LRRC4C: variants seen among roughly 807,000 people sequenced by gnomAD.
LRRC4C encodes leucine rich repeat containing 4C.
LRRC4C carries 5 observed loss-of-function variants against 33.6 expected under a neutral mutation model. The observed-to-expected ratio is 0.15, with a 90% CI of 0.08 to 0.31. The LOEUF (loss-of-function observed/expected upper bound fraction) is 0.31, where lower values mean the gene tolerates loss of function less well. Ranked by LOEUF, LRRC4C falls within the 10% of genes least tolerant of loss-of-function variation. The pLI, the probability that LRRC4C is intolerant of heterozygous loss-of-function variation, is 1.00. For missense variants in LRRC4C, 560 were observed against 796.7 expected (o/e 0.70, Z 3.58); for synonymous variants, 329 against 302.0 (o/e 1.09, Z -0.93).
intron 2 of LRRC4C, among the ~76,000 whole-genome samples, chr11:40,776,274 CT>C (rs35762891): frequency 0.53 from 79,200 of 148,610 alleles, 21,145 homozygotes; most frequent in Non-Finnish European, 0.57. Context: ...GGATTTTTCT[CT>C]TTTTTTTTTT....
In LRRC4C at chr11:41,027,981, C is replaced by T. The variant is rs1050591610; in HGVS notation, c.-495-94258G>A. Among the ~76,000 whole-genome samples the T allele has an allele frequency of 3.3e-5, 5 of 151,452 alleles. No individual in the cohort carries two copies. In the East Asian group the frequency reaches 9.7e-4, roughly 29 times the overall value. ...TAATTTAGAAGTTAATGATGAGAAT[C>T]CTCATCTATAAGGAAGGTAGGCTGC... On this transcript the variant is annotated intron_variant, in intron 1 of 6. Coordinates refer to ENST00000528697, the MANE Select transcript of LRRC4C (RefSeq NM_001258419.2).
chr11:40,914,449 C>T (rs1044011900), intron 2 of LRRC4C, among the ~76,000 whole-genome samples: 2 of 151,854 alleles, frequency 1.3e-5, no homozygotes, highest in Admixed American at 6.5e-5. Context: ...ACAAAAACCA[C>T]ATGATTATCT....
chr11:40,895,336 TC>T (rs1473249764), intron 2 of LRRC4C, among the ~76,000 whole-genome samples: 1 of 51,118 alleles, frequency 2.0e-5, no homozygotes, highest in Non-Finnish European at 5.6e-5. Context: ...TGTTAAAAAA[TC>T]CCCCTCACTA....
Position 40,238,878 on chromosome 11 carries a change from C to T in LRRC4C, c.-96+2641G>A, listed in dbSNP as rs561343428. On this transcript the variant is annotated intron_variant, in intron 5 of 6. Transcript: ENST00000528697. ...CCTGCACAGTCCAGAGAACTAGGCC[C>T]AGTAGAAAAATAAATCAACAGTTGA... Among the ~76,000 whole-genome samples, 62 of 152,156 alleles carry T rather than the reference C, an allele frequency of 4.1e-4. No individual in the cohort carries two copies. The South Asian group carries it at 5.6e-3, about 14-fold the overall frequency.
intron 2 of LRRC4C, among the ~76,000 whole-genome samples, chr11:40,809,601 A>C (rs1046998516): frequency 6.6e-6 from 1 of 152,144 alleles, no homozygotes; most frequent in African/African-American, 2.4e-5. Flanking sequence ...TCCTCCACAC[A>C]GAAAAAAAAT....
At chr11:40,853,686 A>G (rs533719379) in intron 2 of LRRC4C, among the ~76,000 whole-genome samples, 2 of 152,310 alleles carry the variant, frequency 1.3e-5, no homozygotes, top group South Asian at 4.1e-4. Context: ...AAACTAATGT[A>G]CACCTCATTT....
intron 1 of LRRC4C, among the ~76,000 whole-genome samples, chr11:40,943,949 T>C (rs1244306550): frequency 6.6e-6 from 1 of 152,150 alleles, no homozygotes; most frequent in Non-Finnish European, 1.5e-5. Context: ...TTCTGGCCCA[T>C]TTCTCGTTAG....
intron 4 of LRRC4C, among the ~76,000 whole-genome samples, chr11:40,289,783 T>C (rs1320810421): frequency 6.6e-6 from 1 of 152,202 alleles, no homozygotes. Flanking sequence ...TTTGCCAGTA[T>C]GAAAGATGAT....
At chr11:40,944,790 A>G (rs952047869) in intron 1 of LRRC4C, among the ~76,000 whole-genome samples, 4 of 152,168 alleles carry the variant, frequency 2.6e-5, no homozygotes, top group African/African-American at 9.7e-5. Flanking sequence ...CAGTTTTCCA[A>G]TTTCTGGCCA....
intron 3 of LRRC4C, among the ~76,000 whole-genome samples, chr11:40,473,034 G>C (rs370521157): frequency 6.6e-6 from 1 of 152,128 alleles, no homozygotes; most frequent in African/African-American, 2.4e-5. Flanking sequence ...ATACAAAGAG[G>C]AGCTGGTACC....
chr11:41,279,428 A>ACACACACACACCCC (rs58139193), intron 1 of LRRC4C, among the ~76,000 whole-genome samples: 26 of 140,888 alleles, frequency 1.8e-4, no homozygotes, highest in Middle Eastern at 3.6e-3. Flanking sequence ...ACACACACAC[A>ACACACACACACCCC]CCGTGGCAAT....
chr11:40,768,531 G>T (rs1468282016), intron 2 of LRRC4C, among the ~76,000 whole-genome samples: 1 of 151,906 alleles, frequency 6.6e-6, no homozygotes, highest in Non-Finnish European at 1.5e-5. Flanking sequence ...CAGAAAAGGA[G>T]ACACCACAAA....
At chr11:41,223,596 A>G (rs2136403092) in intron 1 of LRRC4C, among the ~76,000 whole-genome samples, 1 of 152,312 alleles carries the variant, frequency 6.6e-6, no homozygotes. Flanking sequence ...CTTACTCCCT[A>G]CATGCTCACA....
chr11:41,119,697 G>A (rs1942325414), intron 1 of LRRC4C, among the ~76,000 whole-genome samples: 1 of 152,166 alleles, frequency 6.6e-6, no homozygotes, highest in Non-Finnish European at 1.5e-5. Context: ...GCAGTCTCAT[G>A]ACTTTCAGGA....
chr11:41,028,570 GAC>G (rs57827895), intron 1 of LRRC4C, among the ~76,000 whole-genome samples: 20,609 of 147,206 alleles, frequency 0.14, 1,488 homozygotes, highest in Middle Eastern at 0.19. Context: ...TAGTATTCAC[GAC>G]ACACACACAC....
intron 1 of LRRC4C, among the ~76,000 whole-genome samples, chr11:41,132,772 T>G (rs910449566): frequency 6.6e-6 from 1 of 152,154 alleles, no homozygotes; most frequent in South Asian, 2.1e-4. Flanking sequence ...TTAATTAAAT[T>G]AATCTTCTTT....
At chr11:41,332,602 C>A (rs1362739645) in intron 1 of LRRC4C, among the ~76,000 whole-genome samples, 2 of 152,166 alleles carry the variant, frequency 1.3e-5, no homozygotes, top group Non-Finnish European at 2.9e-5. Context: ...TATTCCAACA[C>A]ACACACAAAA....
At chr11:40,159,410 C>A (rs1858976670) in intron 5 of LRRC4C, among the ~76,000 whole-genome samples, 1 of 152,090 alleles carries the variant, frequency 6.6e-6, no homozygotes, top group East Asian at 1.9e-4. Flanking sequence ...GCAATAAGAG[C>A]CCTTATACAA....
intron 1 of LRRC4C, among the ~76,000 whole-genome samples, chr11:41,345,343 A>G (rs1162072157): frequency 1.3e-5 from 2 of 152,200 alleles, no homozygotes; most frequent in Non-Finnish European, 2.9e-5. Context: ...ATCTTTGTCG[A>G]TATGTATTCT....
Sources: allele counts gnomAD v4.1 joint callset (sites outside exome capture counted in the v4.1 genomes callset), GRCh38; gene constraint gnomAD v4.1.1; transcripts MANE v1.5; gene names NCBI Gene and HGNC (gene_info 2026-07-23, HGNC 2026-07-21).